The following SOX5 variants were observed in gnomAD, a reference collection of about 807,000 sequenced individuals.
SOX5 encodes transcription factor SOX-5.
In SOX5, 9 loss-of-function variants were observed where a neutral mutation model predicts 92.0. The ratio of observed to expected loss-of-function variants is 0.10; its 90% CI spans 0.06 to 0.17. SOX5 has a LOEUF of 0.17. Ranked by LOEUF, SOX5 falls within the 10% of genes least tolerant of loss-of-function variation. The probability of loss-of-function intolerance (pLI) is 1.00; values close to 1 mark genes in which losing one functional copy is unlikely to be tolerated. For synonymous variants in SOX5, 344 were observed against 336.3 expected, an observed-to-expected ratio of 1.02 and a Z score of -0.25; for missense variants, 642 against 944.5, an observed-to-expected ratio of 0.68 and a Z score of 4.20.
Position 23,539,617 on chromosome 12 carries a change from AAAAG to A in SOX5, c.1772-2952_1772-2949del, listed in dbSNP as rs1236352922. ...AGCTGGTCTGGCTTAAAAAAAAAAAAAAAGAGGAAAAAAAGATGCGTGTATGTAA... is the reference window on the plus strand; with the variant it reads ...AGCTGGTCTGGCTTAAAAAAAAAAAAAGGAAAAAAAGATGCGTGTATGTAA... On this transcript the variant is annotated intron_variant, in intron 13 of 14. Coordinates refer to ENST00000451604, the MANE Select transcript of SOX5 (RefSeq NM_006940.6). Among the ~76,000 whole-genome samples, 5 of 152,078 alleles carry A rather than the reference AAAAG, an allele frequency of 3.3e-5. No individual in the cohort carries two copies. In the South Asian group the frequency reaches 8.3e-4, roughly 25 times the overall value.
At chr12:24,520,115 G>A (rs761575272) in intron 1 of SOX5, among the ~76,000 whole-genome samples, 13 of 151,262 alleles carry the variant, frequency 8.6e-5, no homozygotes, top group Non-Finnish European at 1.8e-4. Flanking sequence ...GAGATAAAAA[G>A]ACTTTCCCAG....
intron 1 of SOX5, among the ~76,000 whole-genome samples, chr12:23,898,768 T>G (rs1468561482): frequency 6.6e-6 from 1 of 152,218 alleles, no homozygotes; most frequent in Non-Finnish European, 1.5e-5. Flanking sequence ...TGTCACATAT[T>G]TCATACTTAT....
rs918533931 is a variant in SOX5 at position 24,100,752 on chromosome 12, C to A, written c.-2+112591G>T. On this transcript the variant is annotated intron_variant, in intron 4 of 4. Transcript: ENST00000446891. ...ATACACTTAATAAATCCAAACAGAG[C>A]GCCCAGAACTCTTGATTTTCTCAAA... Among the ~76,000 whole-genome samples the A allele has an allele frequency of 2.0e-5, 3 of 152,042 alleles. No homozygotes were observed. In the East Asian group the frequency reaches 5.8e-4, roughly 29 times the overall value.
At position 24,510,073 on chromosome 12, in the gene SOX5, G is replaced by A. The variant is rs188633324; in HGVS notation, c.-251+52256C>T. Reference sequence around the variant, plus strand: ...AAGAAACATGTCATCTGAATGAGAAGTTTTGTGTTTACTACATCAGATAAA... The same window carrying A: ...AAGAAACATGTCATCTGAATGAGAAATTTTGTGTTTACTACATCAGATAAA... On this transcript the variant is annotated intron_variant, in intron 1 of 4. Coordinates refer to the SOX5 transcript ENST00000446891. Among the ~76,000 whole-genome samples, 7 of 152,326 alleles carry A rather than the reference G, an allele frequency of 4.6e-5. No individual in the cohort carries two copies. In the East Asian group the frequency reaches 1.3e-3, roughly 29 times the overall value.
At chr12:23,566,318 A>T (rs1201606892) in intron 10 of SOX5, among the ~76,000 whole-genome samples, 1 of 152,136 alleles carries the variant, frequency 6.6e-6, no homozygotes, top group Non-Finnish European at 1.5e-5. Flanking sequence ...ATTATCTCAT[A>T]ATCTCCCATT....
intron 4 of SOX5, among the ~76,000 whole-genome samples, chr12:24,109,379 A>G (rs1189048827): frequency 6.6e-6 from 1 of 151,880 alleles, no homozygotes. Flanking sequence ...AAAGCGTTGC[A>G]CCAACTTTTG....
At chr12:24,265,692 A>C (rs1447262486) in intron 3 of SOX5, among the ~76,000 whole-genome samples, 2 of 152,240 alleles carry the variant, frequency 1.3e-5, no homozygotes, top group African/African-American at 4.8e-5. Context: ...AAATTTTGAA[A>C]TCAGCTATAA....
chr12:23,996,556 C>T (rs2136314323), intron 4 of SOX5, among the ~76,000 whole-genome samples: 1 of 152,168 alleles, frequency 6.6e-6, no homozygotes, highest in Middle Eastern at 3.4e-3. Flanking sequence ...GAAAATAACC[C>T]CAATATCCAT....
At chr12:23,862,081 T>C (rs1271349702) in intron 2 of SOX5, among the ~76,000 whole-genome samples, 1 of 152,094 alleles carries the variant, frequency 6.6e-6, no homozygotes, top group South Asian at 2.1e-4. Flanking sequence ...AATGAAAGGG[T>C]TGTCTTTAGT....
intron 4 of SOX5, among the ~76,000 whole-genome samples, chr12:24,036,314 T>C (rs528154906): frequency 6.6e-6 from 1 of 152,202 alleles, no homozygotes; most frequent in Non-Finnish European, 1.5e-5. Context: ...GGTAGTCCCA[T>C]GTGTAAATGA....
chr12:24,475,354 T>C (rs1041190765), intron 1 of SOX5, among the ~76,000 whole-genome samples: 7 of 152,194 alleles, frequency 4.6e-5, no homozygotes, highest in African/African-American at 1.7e-4. Context: ...GTCTCTCCCT[T>C]ATAGGAGCAT....
At chr12:24,082,942 C>T (rs1414346388) in intron 4 of SOX5, among the ~76,000 whole-genome samples, 9 of 151,798 alleles carry the variant, frequency 5.9e-5, no homozygotes, top group African/African-American at 1.7e-4. Flanking sequence ...ATAGATTTAA[C>T]GATAATAATG....
intron 4 of SOX5, among the ~76,000 whole-genome samples, chr12:24,123,364 T>C (rs1406869004): frequency 6.6e-6 from 1 of 152,214 alleles, no homozygotes; most frequent in Non-Finnish European, 1.5e-5. Flanking sequence ...AAAATCATTT[T>C]CTTCTTTTTT....
chr12:24,331,378 C>T (rs924220641), intron 2 of SOX5: 1 of 152,026 alleles, frequency 6.6e-6, no homozygotes, highest in African/African-American at 2.4e-5. Context: ...CCGTAGAGTA[C>T]GTAATTTCTG....
chr12:24,448,608 C>G (rs1363253254), intron 1 of SOX5, among the ~76,000 whole-genome samples: 1 of 152,148 alleles, frequency 6.6e-6, no homozygotes, highest in African/African-American at 2.4e-5. Flanking sequence ...TAAGAGGAAA[C>G]TAGTTGTGTC....
At chr12:24,465,233 T>C (rs1944095909) in intron 1 of SOX5, among the ~76,000 whole-genome samples, 1 of 152,200 alleles carries the variant, frequency 6.6e-6, no homozygotes, top group Admixed American at 6.5e-5. Flanking sequence ...ATAGAGAGAA[T>C]TAAACACAAA....
intron 11 of SOX5, among the ~76,000 whole-genome samples, chr12:23,555,866 G>T (rs922794186): frequency 1.3e-5 from 2 of 152,106 alleles, no homozygotes; most frequent in East Asian, 3.9e-4. Context: ...TAAAGAGAAA[G>T]AAATGAAAAG....
At chr12:23,632,340 C>T (rs753070634) in intron 8 of SOX5, 1 of 152,070 alleles carries the variant, frequency 6.6e-6, no homozygotes, top group African/African-American at 2.4e-5. Flanking sequence ...CATTATTCAC[C>T]CTGTATGAAA....
intron 11 of SOX5, among the ~76,000 whole-genome samples, chr12:23,547,642 G>T (rs759137688): frequency 6.6e-6 from 1 of 151,940 alleles, no homozygotes; most frequent in Non-Finnish European, 1.5e-5. Flanking sequence ...TCTTAAGTCA[G>T]TGGCCTTGGA....
Sources: gnomAD v4.1 joint callset for allele counts (sites outside exome capture counted in the v4.1 genomes callset) on GRCh38, gnomAD v4.1.1 for gene constraint, MANE v1.5 for transcripts, NCBI Gene and HGNC (gene_info 2026-07-23, HGNC 2026-07-21) for gene names.